STKLD1: variants seen among roughly 807,000 people sequenced by gnomAD.
The protein encoded by STKLD1 is serine/threonine kinase like domain containing 1, also known as serine/threonine kinase-like domain-containing protein STKLD1.
Under a neutral mutation model 80.4 loss-of-function variants are expected in STKLD1, and 79 were observed. The observed-to-expected ratio is 0.98, with a 90% CI of 0.82 to 1.19. STKLD1 has a LOEUF of 1.19. Among genes scored for constraint, STKLD1 ranks in the 50% most tolerant of loss-of-function variants. The pLI is 0.00. For synonymous variants in STKLD1, 393 were observed against 357.6 expected (o/e 1.10, Z -1.12); for missense variants, 841 against 856.0 (o/e 0.98, Z 0.22).
chr9:133,390,702 C>T lies in STKLD1; in HGVS notation c.489C>T (p.Ile163=), dbSNP rs2130287096. 6.2e-7 allele frequency: 1 copy of T among 1,613,786 alleles called. No homozygotes were observed. Among genetic ancestry groups the T allele is most frequent in the Admixed American group, 1.7e-5 (1 of 60,018 alleles). ...TCAGGAATCTCAAACCCTCCAACAT[C>T]ATCCTCATCAGCAGTGACCACTGCA... ...IIHRNLKPSN[I]ILISSDHCKL... Residue 163 remains isoleucine, a synonymous_variant, in exon 7 of 18, where the codon ATC becomes ATT. Transcript: ENST00000371957. The surrounding 1 kb of genome is among the most constrained non-coding windows in gnomAD (Gnocchi z 5.1).
At chr9:133,383,404 TATG>T (rs1232443678) in intron 2 of STKLD1, among the ~76,000 whole-genome samples, 173 of 2,572 alleles carry the variant, frequency 0.067, no homozygotes, top group Middle Eastern at 0.5. Flanking sequence ...GGTGATGATA[TATG>T]ATGATGATGG....
intron 3 of STKLD1, 54 bp downstream of exon 3, chr9:133,383,954 C>G: frequency 6.6e-7 from 1 of 1,522,086 alleles, no homozygotes; most frequent in Non-Finnish European, 9.1e-7. Context: ...CATACACAGA[C>G]TGTGTTCTGT....
At chr9:133,403,860 G>A (rs781810236) in intron 15 of STKLD1, 32 bp downstream of exon 15, 3 of 1,612,080 alleles carry the variant, frequency 1.9e-6, no homozygotes, top group African/African-American at 1.3e-5. Flanking sequence ...GGCCCCTGGG[G>A]CTGGGAGGGG....
At position 133,383,844 on chromosome 9, in the gene STKLD1, G is replaced by T; in HGVS notation, c.175-12G>T. The T allele has an allele frequency of 6.2e-7, 1 of 1,613,750 alleles. No homozygotes were observed. The highest frequency in any genetic ancestry group is 1.1e-5 in the South Asian group (1 of 91,090). ...ACATGTTTATTAAGCTCATGCTCTTGTGCCCTTGCAGGTGGAATGCATGGA... is the reference window on the plus strand; with the variant it reads ...ACATGTTTATTAAGCTCATGCTCTTTTGCCCTTGCAGGTGGAATGCATGGA... On this transcript the variant is annotated splice_polypyrimidine_tract_variant and intron_variant, in intron 2 of 17. Transcript: ENST00000371957.
chr9:133,387,503 G>A lies in STKLD1; in HGVS notation c.351G>A (p.Glu117=). The A allele has an allele frequency of 6.2e-7, 1 of 1,614,114 alleles. No homozygotes were observed. The highest frequency in any genetic ancestry group is 8.5e-7 in the Non-Finnish European group (1 of 1,180,022). ...AGTTCAATGAGCTCAGCTTCCAGGAGGTCATTGAGGATAAGAGGAAGGCAA... is the reference window on the plus strand; with the variant it reads ...AGTTCAATGAGCTCAGCTTCCAGGAAGTCATTGAGGATAAGAGGAAGGCAA... The part of the protein sequence containing the change: ...VMEFNELSFQ[E]VIEDKRKAKK... Residue 117 remains glutamate, a synonymous_variant, in exon 5 of 18, where the codon GAG becomes GAA. Transcript: ENST00000371957.
chr9:133,380,213 T>A (rs1838099164), intron 2 of STKLD1, among the ~76,000 whole-genome samples: 1 of 152,138 alleles, frequency 6.6e-6, no homozygotes, highest in South Asian at 2.1e-4. Context: ...TTTTTTGTAT[T>A]TTAGTAGAGA....
Position 133,405,432 on chromosome 9 carries a change from G to T in STKLD1, c.*11G>T. On this transcript the variant is annotated 3_prime_UTR_variant, in exon 18 of 18. Transcript: ENST00000371957. ...GGGGGACTGGAATAGATGTTTGTAT[G>T]GAACTGACCTTGATCTCCACGTGTA... The T allele has an allele frequency of 2.5e-6, 4 of 1,593,970 alleles. No homozygotes were observed. Among genetic ancestry groups the T allele is most frequent in the Non-Finnish European group, 3.4e-6 (4 of 1,173,936 alleles).
At chr9:133,387,828 G>C (rs2130280979) in intron 5 of STKLD1, 1 of 562,038 alleles carries the variant, frequency 1.8e-6, no homozygotes, top group Admixed American at 2.2e-5. Context: ...TGTTCTGCCG[G>C]TCCCTGAAGT....
intron 1 of STKLD1, among the ~76,000 whole-genome samples, chr9:133,377,252 C>T (rs1837999869): frequency 6.6e-6 from 1 of 152,070 alleles, no homozygotes; most frequent in Non-Finnish European, 1.5e-5. Context: ...AGGAATATAC[C>T]TGCTTTTGGA....
rs1447753305 is a variant in STKLD1, at chr9:133,400,457, A to G, written c.1126A>G (p.Met376Val). The G allele has an allele frequency of 3.1e-6, 5 of 1,613,270 alleles. No homozygotes were observed. Among genetic ancestry groups the G allele is most frequent in the Non-Finnish European group, 4.2e-6 (5 of 1,179,986 alleles). Residue 376 changes from methionine (M) to valine (V), a missense_variant, in exon 12 of 18, where the codon ATG becomes GTG. Transcript: ENST00000371957. The stretch of plus-strand genomic sequence containing the variant: ...GCTGGTGGAGGTGGTGGTCACGACC[A>G]TGGAGCTACATGACAGGGTCCTCGA... Reference protein sequence around the residue: ...PELVEVVVTTMELHDRVLDVQ... With the variant: ...PELVEVVVTTVELHDRVLDVQ...
chr9:133,383,917 T>C lies in STKLD1; in HGVS notation c.219+17T>C. ...CTGGAGGAGGTAACTCTCAGGGTAG[T>C]TTTCCCTCTGGAAGAGCTCAATGGA... On this transcript the variant is annotated intron_variant, in intron 3 of 17. Transcript: ENST00000371957. The C allele has an allele frequency of 1.9e-6, 3 of 1,613,390 alleles. No homozygotes were observed. The highest frequency in any genetic ancestry group is 2.5e-6 in the Non-Finnish European group (3 of 1,179,480).
At chr9:133,404,328 C>G (rs769134851) in intron 16 of STKLD1, among the ~76,000 whole-genome samples, 2 of 152,172 alleles carry the variant, frequency 1.3e-5, no homozygotes, top group Admixed American at 6.5e-5. Context: ...GCAGGCACAC[C>G]GTGACTGATC....
chr9:133,395,080 A>G (rs1166884494), intron 8 of STKLD1, among the ~76,000 whole-genome samples: 1 of 152,116 alleles, frequency 6.6e-6, no homozygotes, highest in Non-Finnish European at 1.5e-5. Context: ...TCTCCGCAGC[A>G]CCACCTGCAG....
chr9:133,390,922 G>T lies in STKLD1; in HGVS notation c.583+126G>T. On this transcript the variant is annotated intron_variant, in intron 7 of 17. Transcript: ENST00000371957. This position sits in a 1 kb window ranked among gnomAD's most constrained non-coding sequence, Gnocchi z 5.1. ...TGTTTGCTCAGAAGGTCCCCACAAA[G>T]CCCTGGCCTTGTGTAAACTCCAAAG... 1.4e-6 allele frequency: 1 copy of T among 739,316 alleles called. No individual in the cohort carries two copies. The highest frequency in any genetic ancestry group is 2.4e-6 in the Non-Finnish European group (1 of 423,672). The allele number at this position is 739,316 out of a possible 1,614,324, so 45.8% of individuals were successfully genotyped here.
chr9:133,381,459 T>C (rs1838132542), intron 2 of STKLD1, among the ~76,000 whole-genome samples: 1 of 136,782 alleles, frequency 7.3e-6, no homozygotes, highest in Non-Finnish European at 1.6e-5. Context: ...GCTTTTTTTT[T>C]TTTTTTTTGA....
intron 4 of STKLD1, among the ~76,000 whole-genome samples, chr9:133,386,222 A>T (rs967365786): frequency 6.6e-6 from 1 of 152,150 alleles, no homozygotes; most frequent in South Asian, 2.1e-4. Flanking sequence ...CCTGACCAGG[A>T]GGGGTTCTTA....
rs1469586889 is a variant in STKLD1 at position 133,392,562 on chromosome 9, GATGA to G, written c.584-1725_584-1722del. Among the ~76,000 whole-genome samples, 54 of 139,184 alleles carry G rather than the reference GATGA, an allele frequency of 3.9e-4. No individual in the cohort carries two copies. The South Asian group carries it at 0.011, about 29-fold the overall frequency. The allele number at this position is 139,184 out of a possible 152,430, so 91.3% of individuals were successfully genotyped here. ...GGATGGATGGATGGATGAGTGGATG[GATGA>G]ATGGATGGATGGATGAGTGGATGGA... On this transcript the variant is annotated intron_variant, in intron 7 of 17. Coordinates refer to ENST00000371957, the MANE Select transcript of STKLD1 (RefSeq NM_153710.5).
In STKLD1 at chr9:133,402,945, C is replaced by T. The variant is rs375620462; in HGVS notation, c.1407C>T (p.Asn469=). The change falls in exon 14 of 18, where the codon AAC becomes AAT. Residue 469 remains asparagine (N), a synonymous_variant. Coordinates refer to ENST00000371957, the MANE Select transcript of STKLD1 (RefSeq NM_153710.5). ...GLLEHILEHL[N]SSLESRDVCA... ...TGGAGCACATCCTGGAGCACCTCAA[C>T]AGCTCCCTCGAAAGCAGGGACGTCT... 1.8e-5 allele frequency: 28 copies of T among 1,583,984 alleles called. No individual in the cohort carries two copies. The highest frequency in any genetic ancestry group is 2.3e-5 in the Non-Finnish European group (27 of 1,165,278).
chr9:133,378,730 G>C (rs1477239987), intron 1 of STKLD1, among the ~76,000 whole-genome samples: 1 of 152,238 alleles, frequency 6.6e-6, no homozygotes, highest in Non-Finnish European at 1.5e-5. Context: ...GAGTGAATAA[G>C]CCCTTTTTCT....
Sources: allele counts gnomAD v4.1 joint callset (sites outside exome capture counted in the v4.1 genomes callset), GRCh38; gene constraint gnomAD v4.1.1; non-coding constraint Gnocchi (gnomAD v3.1); transcripts MANE v1.5; gene names NCBI Gene and HGNC (gene_info 2026-07-23, HGNC 2026-07-21).